The following EPHB1 variants were observed in gnomAD, a reference collection of about 807,000 sequenced individuals.
The protein encoded by EPHB1 is ephrin type-B receptor 1.
In EPHB1, 30 loss-of-function variants were observed where a neutral mutation model predicts 94.4. The observed-to-expected ratio is 0.32, with a 90% CI of 0.24 to 0.43. EPHB1 has a LOEUF of 0.43. Ranked by LOEUF, EPHB1 falls within the 20% of genes least tolerant of loss-of-function variation. The probability of loss-of-function intolerance (pLI) is 1.00; values close to 1 mark genes in which losing one functional copy is unlikely to be tolerated. For synonymous variants in EPHB1, 522 were observed against 489.1 expected (o/e 1.07, Z -0.89); for missense variants, 1,055 against 1,308.3 (o/e 0.81, Z 2.99).
intron 2 of EPHB1, among the ~76,000 whole-genome samples, chr3:134,948,719 T>G (rs898764758): frequency 3.9e-5 from 6 of 152,226 alleles, no homozygotes; most frequent in African/African-American, 1.4e-4. Context: ...AGGCATGCTG[T>G]GAAGGAGCTG....
At chr3:134,865,923 G>A (rs1316740050) in intron 1 of EPHB1, among the ~76,000 whole-genome samples, 3 of 152,224 alleles carry the variant, frequency 2.0e-5, no homozygotes, top group African/African-American at 4.8e-5. Context: ...GGAAGGGGAA[G>A]TTAAGAAGCT....
At chr3:135,009,069 A>C (rs1935527475) in intron 3 of EPHB1, among the ~76,000 whole-genome samples, 1 of 152,088 alleles carries the variant, frequency 6.6e-6, no homozygotes, top group East Asian at 1.9e-4. Flanking sequence ...AACAGCATAA[A>C]CCCCCATCCC....
chr3:134,984,457 G>T (rs982912916), intron 3 of EPHB1, among the ~76,000 whole-genome samples: 4 of 152,210 alleles, frequency 2.6e-5, no homozygotes, highest in African/African-American at 9.6e-5. Context: ...TAAAAGCCAG[G>T]ATGTGGCTGG....
intron 1 of EPHB1, among the ~76,000 whole-genome samples, chr3:134,871,477 TCA>T (rs2037498636): frequency 6.6e-6 from 1 of 152,182 alleles, no homozygotes; most frequent in African/African-American, 2.4e-5. Context: ...CGAAGTGGAT[TCA>T]GTTTCCAGAG....
At chr3:134,826,145 T>C (rs1214154225) in intron 1 of EPHB1, among the ~76,000 whole-genome samples, 2 of 149,150 alleles carry the variant, frequency 1.3e-5, no homozygotes, top group Admixed American at 1.3e-4. Flanking sequence ...CCAGCTACTC[T>C]GGAGGCTGAG....
intron 4 of EPHB1, among the ~76,000 whole-genome samples, chr3:135,112,478 T>C (rs1197631560): frequency 1.3e-5 from 2 of 152,014 alleles, no homozygotes; most frequent in South Asian, 2.1e-4. Context: ...CATGTTGGTC[T>C]GCTGCACCCA....
chr3:135,227,348 C>A lies in EPHB1; in HGVS notation c.2347-13800C>A, dbSNP rs562326084. Among the ~76,000 whole-genome samples the A allele has an allele frequency of 1.2e-4, 18 of 152,250 alleles. No homozygotes were observed. The South Asian group carries it at 3.5e-3, about 30-fold the overall frequency. On this transcript the variant is annotated intron_variant, in intron 12 of 15. Coordinates refer to ENST00000398015, the MANE Select transcript of EPHB1 (RefSeq NM_004441.5). Reference sequence around the variant, plus strand: ...AAAAAGTGAAACTGACTCCCCCTTCCAAATTCCCAGAAATTACTATCATTC... The same window carrying A: ...AAAAAGTGAAACTGACTCCCCCTTCAAAATTCCCAGAAATTACTATCATTC...
chr3:134,848,370 A>G (rs2036916718), intron 1 of EPHB1, among the ~76,000 whole-genome samples: 1 of 152,264 alleles, frequency 6.6e-6, no homozygotes. Flanking sequence ...TTTACTTTTA[A>G]TATGTTTATA....
At chr3:134,849,657 C>G (rs1388698563) in intron 1 of EPHB1, among the ~76,000 whole-genome samples, 1 of 152,090 alleles carries the variant, frequency 6.6e-6, no homozygotes, top group Admixed American at 6.5e-5. Context: ...GAGGACAGAG[C>G]TAGGAGATTA....
intron 7 of EPHB1, among the ~76,000 whole-genome samples, chr3:135,163,896 G>A (rs538334816): frequency 6.6e-6 from 1 of 152,290 alleles, no homozygotes; most frequent in Non-Finnish European, 1.5e-5. Context: ...AGCGAAGGTA[G>A]TCAGAAGGTT....
intron 3 of EPHB1, among the ~76,000 whole-genome samples, chr3:134,954,326 G>C (rs955146385): frequency 5.3e-5 from 8 of 152,162 alleles, no homozygotes; most frequent in African/African-American, 7.2e-5. Context: ...TTTGGTGGGG[G>C]GTGGGAAGTG....
At chr3:135,037,508 G>T (rs1936684612) in intron 3 of EPHB1, among the ~76,000 whole-genome samples, 1 of 152,238 alleles carries the variant, frequency 6.6e-6, no homozygotes, top group Admixed American at 6.5e-5. Flanking sequence ...AAGGGATTTA[G>T]AAATCACATA....
chr3:135,207,494 T>C (rs958379741), intron 12 of EPHB1, among the ~76,000 whole-genome samples: 1 of 152,228 alleles, frequency 6.6e-6, no homozygotes. Flanking sequence ...TGCTCTCAGT[T>C]AAGTGAGGAC....
intron 12 of EPHB1, among the ~76,000 whole-genome samples, chr3:135,234,874 G>A (rs1281328860): frequency 6.6e-6 from 1 of 152,186 alleles, no homozygotes. Flanking sequence ...CATACAATAA[G>A]TGGGGATTAG....
chr3:135,123,773 G>C (rs1331046668), intron 4 of EPHB1, among the ~76,000 whole-genome samples: 1 of 148,220 alleles, frequency 6.7e-6, no homozygotes, highest in Non-Finnish European at 1.5e-5. Flanking sequence ...AAGACTGTTC[G>C]TGCTGTTCAG....
At chr3:135,248,608 G>GAGTA in intron 14 of EPHB1, 99 bp downstream of exon 14, 1 of 1,287,320 alleles carries the variant, frequency 7.8e-7, no homozygotes, top group Non-Finnish European at 1.1e-6. Context: ...ATTTTTTAAA[G>GAGTA]AGTATCTAGT....
At position 135,248,413 on chromosome 3, in the gene EPHB1, G is replaced by A. The variant is rs751581569; in HGVS notation, c.2594G>A (p.Arg865Gln). The A allele has an allele frequency of 3.7e-6, 6 of 1,613,938 alleles. No individual in the cohort carries two copies. Among genetic ancestry groups the A allele is most frequent in the East Asian group, 2.2e-5 (1 of 44,872 alleles). Residue 865 changes from arginine (R) to glutamine (Q), a missense_variant, in exon 14 of 16, where the codon CGG becomes CAG. By Grantham distance (43) the Arg-to-Gln change is conservative. Coordinates refer to ENST00000398015, the MANE Select transcript of EPHB1 (RefSeq NM_004441.5). The part of the protein sequence containing the change: ...QLMLDCWQKD[R>Q]NSRPRFAEIV... ...ATGCTGGACTGTTGGCAGAAGGACCGGAACAGCCGGCCCCGGTTTGCGGAG... is the reference window on the plus strand; with the variant it reads ...ATGCTGGACTGTTGGCAGAAGGACCAGAACAGCCGGCCCCGGTTTGCGGAG...
intron 15 of EPHB1, 34 bp downstream of exon 15, chr3:135,249,525 C>G: frequency 6.3e-7 from 1 of 1,596,248 alleles, no homozygotes; most frequent in Non-Finnish European, 8.5e-7. Context: ...CCAGACCACA[C>G]CTAGGGGTCA....
intron 1 of EPHB1, among the ~76,000 whole-genome samples, chr3:134,882,765 C>CCTTCCTTCCTTTCTTTCTTTCTTTCTTT (rs1553861897): frequency 2.5e-5 from 2 of 79,880 alleles, no homozygotes; most frequent in African/African-American, 4.5e-5. Flanking sequence ...TTCCTTCCTT[C>CCTTCCTTCCTTTCTTTCTTTCTTTCTTT]CTTTCTTTCT....
Sources: allele counts gnomAD v4.1 joint callset (sites outside exome capture counted in the v4.1 genomes callset), GRCh38; gene constraint gnomAD v4.1.1; transcripts MANE v1.5; gene names NCBI Gene and HGNC (gene_info 2026-07-23, HGNC 2026-07-21).